The following IQSEC1 variants were observed in gnomAD, a reference collection of about 807,000 sequenced individuals.
IQSEC1 encodes the protein IQ motif and Sec7 domain ArfGEF 1, also known as IQ motif and SEC7 domain-containing protein 1.
IQSEC1 carries 31 observed loss-of-function variants against 91.0 expected under a neutral mutation model. That is an observed-to-expected ratio of 0.34 (90% CI 0.26 to 0.46). The LOEUF (loss-of-function observed/expected upper bound fraction) is 0.46. Ranked by LOEUF, IQSEC1 falls within the 20% of genes least tolerant of loss-of-function variation. The pLI, the probability that IQSEC1 is intolerant of heterozygous loss-of-function variation, is 1.00. For missense variants in IQSEC1, 1,388 were observed against 1,575.6 expected (o/e 0.88, Z 2.02); for synonymous variants, 699 against 662.6 (o/e 1.05, Z -0.84).
chr3:13,063,800 A>G (rs977002825), intron 1 of IQSEC1, among the ~76,000 whole-genome samples: 1 of 152,250 alleles, frequency 6.6e-6, no homozygotes, highest in Admixed American at 6.5e-5. Flanking sequence ...GAAGGGCCCA[A>G]GGTGTCTCAG....
At chr3:12,954,702 C>A (rs1344711287) in intron 1 of IQSEC1, among the ~76,000 whole-genome samples, 1 of 152,232 alleles carries the variant, frequency 6.6e-6, no homozygotes, top group East Asian at 1.9e-4. Flanking sequence ...GTTTTCCTCA[C>A]TGAAGTTTCC....
chr3:13,168,323 G>A (rs1447142202), intron 1 of IQSEC1, among the ~76,000 whole-genome samples: 2 of 152,296 alleles, frequency 1.3e-5, no homozygotes, highest in East Asian at 3.9e-4. Flanking sequence ...ACCACCTGGA[G>A]GTAATCGCTA....
At chr3:13,099,245 C>T (rs994733044) in intron 2 of IQSEC1, among the ~76,000 whole-genome samples, 1 of 152,182 alleles carries the variant, frequency 6.6e-6, no homozygotes, top group Non-Finnish European at 1.5e-5. Context: ...GAAGTTGAGG[C>T]CACAGTGAGG....
At chr3:12,939,114 C>T (rs1438208290) in intron 2 of IQSEC1, among the ~76,000 whole-genome samples, 2 of 152,250 alleles carry the variant, frequency 1.3e-5, no homozygotes, top group African/African-American at 2.4e-5. Flanking sequence ...AGCTTCTGCT[C>T]TCCCGAGGGG....
chr3:13,093,299 G>T (rs1479327248), intron 2 of IQSEC1, among the ~76,000 whole-genome samples: 1 of 152,092 alleles, frequency 6.6e-6, no homozygotes, highest in Non-Finnish European at 1.5e-5. Flanking sequence ...GACGGAAGGA[G>T]ACCTGGGGCC....
Position 13,034,394 on chromosome 3 carries a change from G to A in IQSEC1, c.23+38598C>T, listed in dbSNP as rs377195376. ...AAGAAGTGTTTGTGGTGAGAAGCTC[G>A]TAAGGTCTTGACCCAGCGAGAACGT... On this transcript the variant is annotated intron_variant, in intron 1 of 13. Coordinates refer to ENST00000613206, the MANE Select transcript of IQSEC1 (RefSeq NM_001134382.3). Among the ~76,000 whole-genome samples, 53 of 152,344 alleles carry A rather than the reference G, an allele frequency of 3.5e-4. 1 individual carries two copies. The South Asian group carries it at 8.1e-3, about 23-fold the overall frequency.
chr3:13,047,125 T>C (rs1018499059), intron 1 of IQSEC1, among the ~76,000 whole-genome samples: 3 of 152,194 alleles, frequency 2.0e-5, no homozygotes, highest in African/African-American at 7.2e-5. Flanking sequence ...TCATGGGAAC[T>C]GCCGGCTGCA....
chr3:13,276,077 A>ATTTTT (rs1406168404), intron 1 of IQSEC1, among the ~76,000 whole-genome samples: 4 of 85,596 alleles, frequency 4.7e-5, no homozygotes, highest in African/African-American at 1.9e-4. Context: ...CCTCAAAAGC[A>ATTTTT]TTCTTTTTTT....
At chr3:12,920,962 G>A (rs1696576220) in intron 5 of IQSEC1, among the ~76,000 whole-genome samples, 1 of 152,188 alleles carries the variant, frequency 6.6e-6, no homozygotes, top group African/African-American at 2.4e-5. Flanking sequence ...CACAGTGGGT[G>A]TCAGGCCTGC....
intron 1 of IQSEC1, among the ~76,000 whole-genome samples, chr3:13,235,033 C>T (rs564153273): frequency 3.9e-5 from 6 of 152,238 alleles, no homozygotes; most frequent in East Asian, 1.9e-4. Flanking sequence ...GGTCTGGGGA[C>T]GGGCTCTGGG....
intron 6 of IQSEC1, among the ~76,000 whole-genome samples, chr3:12,918,408 T>G (rs762236453): frequency 6.6e-5 from 10 of 152,144 alleles, no homozygotes; most frequent in Non-Finnish European, 1.2e-4. Flanking sequence ...GCCACCTGAC[T>G]CAGCAGCCCT....
At chr3:13,138,343 C>T (rs1706744350) in intron 2 of IQSEC1, among the ~76,000 whole-genome samples, 1 of 151,888 alleles carries the variant, frequency 6.6e-6, no homozygotes, top group Admixed American at 6.6e-5. Context: ...GCAAGCAGGC[C>T]CTAGGTGTCT....
At chr3:12,972,671 A>G (rs763560690) in intron 1 of IQSEC1, among the ~76,000 whole-genome samples, 5 of 152,214 alleles carry the variant, frequency 3.3e-5, no homozygotes, top group Non-Finnish European at 7.3e-5. Context: ...CATTTTACAG[A>G]CAGGGAAACT....
chr3:13,267,667 G>A (rs1695517795), intron 1 of IQSEC1, among the ~76,000 whole-genome samples: 1 of 149,766 alleles, frequency 6.7e-6, no homozygotes, highest in Non-Finnish European at 1.5e-5. Flanking sequence ...GCCCAGGCTG[G>A]AGTGCAGGGG....
chr3:12,909,142 C>T lies in IQSEC1; in HGVS notation c.2578+131G>A, dbSNP rs1365822877. The T allele has an allele frequency of 1.0e-6, 1 of 962,782 alleles. No homozygotes were observed. Among genetic ancestry groups the T allele is most frequent in the East Asian group, 2.4e-5 (1 of 41,530 alleles). 59.6% of individuals were successfully genotyped at this position (962,782 alleles called of 1,614,324 possible). A position where few individuals can be genotyped will look rare whatever the true frequency, so the allele number is the denominator to read the frequency against. ...AACACAGACTGCCCCATCATGTGGCCATAGGGAAGGCCAGAAAAGACTGGG... is the reference window on the plus strand; with the variant it reads ...AACACAGACTGCCCCATCATGTGGCTATAGGGAAGGCCAGAAAAGACTGGG... On this transcript the variant is annotated intron_variant, in intron 11 of 13. Coordinates refer to ENST00000613206, the MANE Select transcript of IQSEC1 (RefSeq NM_001134382.3). This position sits in a 1 kb window ranked among gnomAD's most constrained non-coding sequence, Gnocchi z 4.9.
intron 1 of IQSEC1, among the ~76,000 whole-genome samples, chr3:13,001,295 G>T (rs1476513804): frequency 1.3e-5 from 2 of 152,110 alleles, no homozygotes; most frequent in Non-Finnish European, 2.9e-5. Context: ...CACACTGCCT[G>T]TGCTGGCTTG....
At chr3:12,914,906 C>T (rs1695926999) in intron 8 of IQSEC1, among the ~76,000 whole-genome samples, 198 bp downstream of exon 8, 1 of 152,030 alleles carries the variant, frequency 6.6e-6, no homozygotes, top group African/African-American at 2.4e-5. Flanking sequence ...CAGGAGTCTC[C>T]CCTGACAGCA....
At chr3:13,257,733 C>T (rs544494199) in intron 1 of IQSEC1, among the ~76,000 whole-genome samples, 18 of 152,338 alleles carry the variant, frequency 1.2e-4, no homozygotes, top group South Asian at 6.2e-4. Context: ...GAATTAAAAA[C>T]GGCACAGCCA....
chr3:13,038,072 A>C (rs946973722), intron 1 of IQSEC1, among the ~76,000 whole-genome samples: 4 of 151,892 alleles, frequency 2.6e-5, no homozygotes, highest in Non-Finnish European at 5.9e-5. Flanking sequence ...TATGATCTAA[A>C]GTTTAAAAAC....
Sources: gnomAD v4.1 joint callset for allele counts (sites outside exome capture counted in the v4.1 genomes callset) on GRCh38, gnomAD v4.1.1 for gene constraint, Gnocchi (gnomAD v3.1) non-coding constraint, MANE v1.5 for transcripts, NCBI Gene and HGNC (gene_info 2026-07-23, HGNC 2026-07-21) for gene names.